TNS1: variants seen among roughly 807,000 people sequenced by gnomAD.
The protein encoded by TNS1 is tensin 1.
Under a neutral mutation model 168.6 loss-of-function variants are expected in TNS1, and 62 were observed. The observed-to-expected ratio is 0.37, with a 90% CI of 0.30 to 0.45. The LOEUF (loss-of-function observed/expected upper bound fraction) is 0.45, where lower values mean the gene tolerates loss of function less well. TNS1 is among the 20% of genes least tolerant of loss of function. The pLI is 1.00. For synonymous variants in TNS1, 934 were observed against 933.2 expected (o/e 1.00, Z -0.02); for missense variants, 2,240 against 2,339.4 (o/e 0.96, Z 0.88).
intron 3 of TNS1, among the ~76,000 whole-genome samples, chr2:217,931,709 TATGTAGC>T (rs746185980): frequency 5.3e-5 from 8 of 152,210 alleles, no homozygotes; most frequent in Non-Finnish European, 1.2e-4. Context: ...CTGTTGATTG[TATGTAGC>T]ATCATCAACT....
intron 3 of TNS1, among the ~76,000 whole-genome samples, chr2:217,969,505 A>G (rs1263424998): frequency 6.6e-6 from 1 of 151,246 alleles, no homozygotes; most frequent in Non-Finnish European, 1.5e-5. Context: ...AGACAACCAG[A>G]GAATAGAAAA....
chr2:217,956,175 T>A (rs1019550572), intron 3 of TNS1, among the ~76,000 whole-genome samples: 68 of 151,892 alleles, frequency 4.5e-4, no homozygotes, highest in Non-Finnish European at 8.4e-4. Context: ...TTAAAAAGAA[T>A]TTTTTTTAAT....
intron 1 of TNS1, among the ~76,000 whole-genome samples, chr2:217,993,008 T>G (rs780267431): frequency 6.6e-6 from 1 of 152,220 alleles, no homozygotes; most frequent in Non-Finnish European, 1.5e-5. Flanking sequence ...TTTCTACATT[T>G]AGATATGTTT....
chr2:217,945,417 CCAG>C (rs1559381725), intron 3 of TNS1, among the ~76,000 whole-genome samples: 1 of 152,138 alleles, frequency 6.6e-6, no homozygotes, highest in East Asian at 1.9e-4. Flanking sequence ...TGCCTCGCCC[CCAG>C]TCAGAGACAA....
chr2:218,030,821 ATT>A (rs1394443641), intron 1 of TNS1, among the ~76,000 whole-genome samples: 3 of 152,068 alleles, frequency 2.0e-5, no homozygotes, highest in Non-Finnish European at 4.4e-5. Context: ...AATATATGAC[ATT>A]GTGTATGTTT....
rs1334414565 is a variant in TNS1 at position 217,920,249 on chromosome 2, C to A, written c.187-13G>T. 2.8e-6 allele frequency: 2 copies of A among 703,040 alleles called. No individual in the cohort carries two copies. Among genetic ancestry groups the A allele is most frequent in the Admixed American group, 4.0e-5 (2 of 50,024 alleles). 43.6% of individuals were successfully genotyped at this position (703,040 alleles called of 1,614,324 possible). A position where few individuals can be genotyped will look rare whatever the true frequency, so the allele number is the denominator to read the frequency against. On this transcript the variant is annotated splice_polypyrimidine_tract_variant and intron_variant, in intron 3 of 32. Transcript: ENST00000682258. Reference sequence around the variant, plus strand: ...AGGGGGCAGCCACCTGTGGAAGGAACAGAGAACGGGCAGGTGAGCATATCT... The same window carrying A: ...AGGGGGCAGCCACCTGTGGAAGGAAAAGAGAACGGGCAGGTGAGCATATCT...
At position 217,891,038 on chromosome 2, in the gene TNS1, G is replaced by C. The variant is rs753904767; in HGVS notation, c.790C>G (p.Gln264Glu). ...HYSNISASAD[Q>E]ALDRFAMKRF... ...TTCATTGCAAACCGGTCCAGAGCCT[G>C]GTCCGCACTGCAGGGAGAGACAGGT... is the stretch of plus-strand genomic sequence containing the variant. Residue 264 changes from glutamine (Q) to glutamate (E), a missense_variant, in exon 12 of 33, where the codon CAG becomes GAG. By Grantham distance (29) the Gln-to-Glu change is conservative. Transcript: ENST00000682258. The C allele has an allele frequency of 6.2e-7, 1 of 1,614,160 alleles. No homozygotes were observed. Among genetic ancestry groups the C allele is most frequent in the Non-Finnish European group, 8.5e-7 (1 of 1,180,034 alleles).
At chr2:217,947,380 G>A (rs1190984836) in intron 3 of TNS1, among the ~76,000 whole-genome samples, 1 of 152,162 alleles carries the variant, frequency 6.6e-6, no homozygotes, top group African/African-American at 2.4e-5. Context: ...AAAGGAGATG[G>A]CAGTGCCTGG....
At chr2:217,975,972 C>T (rs1427875292) in intron 3 of TNS1, among the ~76,000 whole-genome samples, 1 of 152,170 alleles carries the variant, frequency 6.6e-6, no homozygotes, top group African/African-American at 2.4e-5. Flanking sequence ...AACTCCCCAG[C>T]ACTCACTACT....
intron 3 of TNS1, among the ~76,000 whole-genome samples, chr2:217,928,893 G>A (rs1253494628): frequency 6.6e-6 from 1 of 152,110 alleles, no homozygotes; most frequent in East Asian, 1.9e-4. Flanking sequence ...TCCAGACAGG[G>A]GAGTTCCTCT....
intron 1 of TNS1, among the ~76,000 whole-genome samples, chr2:218,031,135 T>TGTATAA (rs1553628685): frequency 7.2e-6 from 1 of 139,800 alleles, no homozygotes. Flanking sequence ...TCTGTGTGTG[T>TGTATAA]GTGTGTATGT....
intron 19 of TNS1, among the ~76,000 whole-genome samples, chr2:217,839,479 G>A (rs773931809): frequency 3.3e-5 from 5 of 152,060 alleles, no homozygotes; most frequent in Non-Finnish European, 7.4e-5. Flanking sequence ...GGACAGTGCT[G>A]TGCTGGACAA....
chr2:217,838,825 TG>T (rs1020996850), intron 19 of TNS1, among the ~76,000 whole-genome samples: 5 of 151,984 alleles, frequency 3.3e-5, no homozygotes, highest in Admixed American at 6.5e-5. Flanking sequence ...CAAGCTAGGG[TG>T]TCTGGACACA....
At chr2:217,968,036 C>G (rs1254660272) in intron 3 of TNS1, among the ~76,000 whole-genome samples, 2 of 151,968 alleles carry the variant, frequency 1.3e-5, no homozygotes, top group East Asian at 3.8e-4. Context: ...TATCAATAGA[C>G]TAAAAAAACA....
chr2:217,970,000 T>C (rs1008229834), intron 3 of TNS1, among the ~76,000 whole-genome samples: 1 of 145,310 alleles, frequency 6.9e-6, no homozygotes, highest in African/African-American at 2.5e-5. Flanking sequence ...CAGTTCCTGA[T>C]AAAAAAAAAA....
chr2:217,966,304 TGTGTGCGCGCGCGCGC>T (rs1427241539), intron 3 of TNS1, among the ~76,000 whole-genome samples: 80 of 137,426 alleles, frequency 5.8e-4, no homozygotes, highest in Non-Finnish European at 7.6e-5. Context: ...TGTGTGTGTG[TGTGTGCGCGCGCGCGC>T]GTGTGTAAGG....
At chr2:217,936,774 G>A (rs987138366) in intron 3 of TNS1, among the ~76,000 whole-genome samples, 1 of 152,096 alleles carries the variant, frequency 6.6e-6, no homozygotes, top group Non-Finnish European at 1.5e-5. Flanking sequence ...TCCCACACAT[G>A]CCATTTTAAG....
At chr2:217,816,595 C>T (rs1941921823) in intron 24 of TNS1, among the ~76,000 whole-genome samples, 1 of 152,170 alleles carries the variant, frequency 6.6e-6, no homozygotes, top group African/African-American at 2.4e-5. Context: ...CTGCCGTGGC[C>T]TGTTTAACGA....
upstream of TNS1, among the ~76,000 whole-genome samples, chr2:218,014,892 G>A (rs1484923422): frequency 6.7e-6 from 1 of 150,270 alleles, no homozygotes; most frequent in Non-Finnish European, 1.5e-5. Flanking sequence ...AGGAAGGAAG[G>A]AAGGAAGGAA....
Sources: allele counts gnomAD v4.1 joint callset (sites outside exome capture counted in the v4.1 genomes callset), GRCh38; gene constraint gnomAD v4.1.1; transcripts MANE v1.5; gene names NCBI Gene and HGNC (gene_info 2026-07-23, HGNC 2026-07-21).